CLPX: variants seen among roughly 807,000 people sequenced by gnomAD.
CLPX encodes the protein caseinolytic mitochondrial matrix peptidase chaperone subunit X, also known as ATP-dependent clpX-like chaperone, mitochondrial.
CLPX carries 34 observed loss-of-function variants against 76.4 expected under a neutral mutation model. The ratio of observed to expected loss-of-function variants is 0.45; its 90% CI spans 0.34 to 0.59. The LOEUF is 0.59. Ranked by LOEUF, CLPX falls within the 20% of genes least tolerant of loss-of-function variation. The probability of loss-of-function intolerance (pLI) is 0.01; values close to 1 mark genes in which losing one functional copy is unlikely to be tolerated. For synonymous variants in CLPX, 248 were observed against 270.9 expected, an observed-to-expected ratio of 0.92 and a Z score of 0.83; for missense variants, 613 against 757.0, an observed-to-expected ratio of 0.81 and a Z score of 2.23.
intron 13 of CLPX, 70 bp from the exon 14 acceptor site, chr15:65,150,983 A>T: frequency 9.5e-7 from 1 of 1,050,298 alleles, no homozygotes; most frequent in East Asian, 2.4e-5. Context: ...TAAAATCAAA[A>T]CAGCAAAGTA....
rs528065561 is a variant in CLPX, at chr15:65,165,303, T to C, written c.514-1115A>G. Among the ~76,000 whole-genome samples, 18 of 151,050 alleles carry C rather than the reference T, an allele frequency of 1.2e-4. No homozygotes were observed. The East Asian group carries it at 3.5e-3, about 30-fold the overall frequency. On this transcript the variant is annotated intron_variant, in intron 4 of 13. Coordinates refer to ENST00000300107, the MANE Select transcript of CLPX (RefSeq NM_006660.5). ...ATGAGTGTGCCACTGCACTCCAGCC[T>C]GGGCAACAGAGTGAAACCCTGATTA...
At chr15:65,163,584 G>A (rs1037315093) in intron 5 of CLPX, among the ~76,000 whole-genome samples, 1 of 151,940 alleles carries the variant, frequency 6.6e-6, no homozygotes, top group African/African-American at 2.4e-5. Flanking sequence ...ATACATTATT[G>A]TCCATAGTAA....
chr15:65,177,830 G>T (rs756256030), intron 3 of CLPX, among the ~76,000 whole-genome samples: 5 of 151,968 alleles, frequency 3.3e-5, no homozygotes, highest in Non-Finnish European at 7.4e-5. Flanking sequence ...TTTGAGACAG[G>T]TTCTTGCTTT....
At position 65,178,929 on chromosome 15, in the gene CLPX, CT is replaced by C; in HGVS notation, c.358+4del. The C allele has an allele frequency of 6.8e-7, 1 of 1,478,130 alleles. No individual in the cohort carries two copies. The highest frequency in any genetic ancestry group is 9.3e-7 in the Non-Finnish European group (1 of 1,070,788). 91.6% of individuals were successfully genotyped at this position (1,478,130 alleles called of 1,614,324 possible). A position where few individuals can be genotyped will look rare whatever the true frequency, so the allele number is the denominator to read the frequency against. ...AAAAAGAACAGTAGAAGATGTAATA[CT>C]TACATACAAAGGTCTCTACATGTGT... On this transcript the variant is annotated splice_donor_region_variant and intron_variant, in intron 3 of 13. Transcript: ENST00000300107.
Position 65,149,660 on chromosome 15 carries a change from G to C in CLPX, c.*1163C>G. ...GCAGATCACAAGGTCAGGAGTTACAGACTAGCCTGGCCAACAGGGTGAAAC... is the reference window on the plus strand; with the variant it reads ...GCAGATCACAAGGTCAGGAGTTACACACTAGCCTGGCCAACAGGGTGAAAC... On this transcript the variant is annotated 3_prime_UTR_variant, in exon 14 of 14. Coordinates refer to ENST00000300107, the MANE Select transcript of CLPX (RefSeq NM_006660.5). 5.0e-6 allele frequency: 2 copies of C among 398,788 alleles called. No individual in the cohort carries two copies. The highest frequency in any genetic ancestry group is 3.7e-5 in the South Asian group (2 of 54,236). 24.7% of individuals were successfully genotyped at this position (398,788 alleles called of 1,614,324 possible). A position where few individuals can be genotyped will look rare whatever the true frequency, so the allele number is the denominator to read the frequency against.
chr15:65,158,682 T>G lies in CLPX; in HGVS notation c.785A>C (p.Asn262Thr). 6.2e-7 allele frequency: 1 copy of G among 1,613,980 alleles called. No individual in the cohort carries two copies. The highest frequency in any genetic ancestry group is 8.5e-7 in the Non-Finnish European group (1 of 1,179,898). The change falls in exon 7 of 14, where the codon AAT (asparagine) becomes ACT (threonine). Residue 262 changes from asparagine (N) to threonine (T), a missense_variant. This residue lies in a region of CLPX where 450 missense variants were observed against 638.6 expected (regional missense o/e 0.70). Coordinates refer to ENST00000300107, the MANE Select transcript of CLPX (RefSeq NM_006660.5). ...TCGTTTTTCCTGAGGTATTTGTTGA[T>G]TTACCTGTTGCTGCATTGATGCTCC... ...ALGASMQQQV[N>T]QQIPQEKRGG...
At chr15:65,167,623 C>T (rs1029205011) in intron 3 of CLPX, among the ~76,000 whole-genome samples, 2 of 151,740 alleles carry the variant, frequency 1.3e-5, no homozygotes, top group African/African-American at 4.8e-5. Flanking sequence ...TGCCTGTAAT[C>T]CCAGCACTTT....
intron 1 of CLPX, among the ~76,000 whole-genome samples, chr15:65,183,922 G>A (rs2088216668): frequency 6.6e-6 from 1 of 152,178 alleles, no homozygotes; most frequent in South Asian, 2.1e-4. Context: ...TAAAGTGTTT[G>A]CAAATCGAAT....
rs2087679020 is a variant in CLPX at position 65,148,333 on chromosome 15, T to G, written c.*2490A>C. On this transcript the variant is annotated 3_prime_UTR_variant, in exon 14 of 14. Coordinates refer to ENST00000300107, the MANE Select transcript of CLPX (RefSeq NM_006660.5). Reference sequence around the variant, plus strand: ...TGTTAACAACTTCCAAAGCCAAATGTAAGTTGTTGTGACTAAAATGCCTCC... The same window carrying G: ...TGTTAACAACTTCCAAAGCCAAATGGAAGTTGTTGTGACTAAAATGCCTCC... The G allele has an allele frequency of 6.6e-6, 1 of 152,240 alleles. No homozygotes were observed. Among genetic ancestry groups the G allele is most frequent in the Non-Finnish European group, 1.5e-5 (1 of 68,040 alleles). The allele number at this position is 152,240 out of a possible 1,614,324, so 9.4% of individuals were successfully genotyped here.
chr15:65,163,445 C>T (rs1372222447), intron 5 of CLPX, among the ~76,000 whole-genome samples: 2 of 152,024 alleles, frequency 1.3e-5, no homozygotes, highest in Non-Finnish European at 2.9e-5. Context: ...ACAGTGATAA[C>T]TAAAAGAATC....
chr15:65,166,660 G>C lies in CLPX; in HGVS notation c.484C>G (p.Gln162Glu), dbSNP rs1220437534. 8 of 1,613,944 alleles carry C rather than the reference G, an allele frequency of 5.0e-6. No homozygotes were observed. The Admixed American group carries it at 8.3e-5, about 17-fold the overall frequency. ...SAAEAVKLAF[Q>E]QKPPPPPKKI... is the part of the protein sequence containing the mutation. ...TTAGGGGGAGGTGGTGGTTTCTGTT[G>C]GAATGCCAATTTTACAGCTTCTGCT... The change falls in exon 4 of 14, where the codon CAA becomes GAA. Residue 162 changes from glutamine to glutamate, a missense_variant. By Grantham distance (29) the Gln-to-Glu change is conservative (BLOSUM62 2). Coordinates refer to ENST00000300107, the MANE Select transcript of CLPX (RefSeq NM_006660.5).
chr15:65,164,299 C>T (rs898573525), intron 4 of CLPX, 111 bp from the exon 5 acceptor site: 4 of 828,664 alleles, frequency 4.8e-6, no homozygotes, highest in Non-Finnish European at 5.5e-6. Flanking sequence ...TGAACAAAGA[C>T]TCTCATTAAA....
chr15:65,170,127 G>A (rs1410672419), intron 3 of CLPX, among the ~76,000 whole-genome samples: 2 of 151,830 alleles, frequency 1.3e-5, no homozygotes, highest in Non-Finnish European at 2.9e-5. Flanking sequence ...TGTTCTCAAG[G>A]GATCCTCCCA....
Position 65,185,334 on chromosome 15 carries a change from C to G in CLPX, c.-181G>C. 1 of 576,408 alleles carries G rather than the reference C, an allele frequency of 1.7e-6. No homozygotes were observed. Among genetic ancestry groups the G allele is most frequent in the Non-Finnish European group, 3.1e-6 (1 of 325,452 alleles). 35.7% of individuals were successfully genotyped at this position (576,408 alleles called of 1,614,324 possible). Reference sequence around the variant, plus strand: ...CTTCTCTGCCCCACAGCCGTCTATTCACCAGAGTAGACACCCAACCCCCCC... The same window carrying G: ...CTTCTCTGCCCCACAGCCGTCTATTGACCAGAGTAGACACCCAACCCCCCC... On this transcript the variant is annotated 5_prime_UTR_variant, in exon 1 of 14. Transcript: ENST00000300107.
intron 6 of CLPX, among the ~76,000 whole-genome samples, chr15:65,160,277 C>G (rs1311241441): frequency 6.6e-6 from 1 of 152,074 alleles, no homozygotes; most frequent in Non-Finnish European, 1.5e-5. Context: ...AAGGGTTATT[C>G]TATTCATCAA....
chr15:65,155,896 G>A (rs1212770407), intron 9 of CLPX, 40 bp from the exon 10 acceptor site: 2 of 1,516,254 alleles, frequency 1.3e-6, no homozygotes, highest in Non-Finnish European at 1.8e-6. Context: ...CACCATATAA[G>A]CACATTATTT....
chr15:65,151,289 A>G (rs1362516333), intron 13 of CLPX, among the ~76,000 whole-genome samples: 1 of 149,396 alleles, frequency 6.7e-6, no homozygotes, highest in Non-Finnish European at 1.5e-5. Context: ...AGGTTGCAGT[A>G]AGCCGAAATC....
In CLPX at chr15:65,150,806, G is replaced by A. The variant is rs2087709919; in HGVS notation, c.*17C>T. 6.4e-7 allele frequency: 1 copy of A among 1,562,150 alleles called. No homozygotes were observed. The highest frequency in any genetic ancestry group is 8.8e-7 in the Non-Finnish European group (1 of 1,135,572). On this transcript the variant is annotated 3_prime_UTR_variant, in exon 14 of 14. Transcript: ENST00000300107. ...AAAGAAGGAAAAGCTGTATATACAA[G>A]ACAGCAATATGACAGTTTAGCTGTT...
At chr15:65,165,521 C>T (rs1235612378) in intron 4 of CLPX, among the ~76,000 whole-genome samples, 1 of 151,494 alleles carries the variant, frequency 6.6e-6, no homozygotes, top group Non-Finnish European at 1.5e-5. Context: ...GTAGCCAGGA[C>T]TAAAGGCACC....
Sources: gnomAD v4.1 joint callset for allele counts (sites outside exome capture counted in the v4.1 genomes callset) on GRCh38, gnomAD v4.1.1 for gene constraint, gnomAD v4.1.1 regional missense constraint, MANE v1.5 for transcripts, NCBI Gene and HGNC (gene_info 2026-07-23, HGNC 2026-07-21) for gene names.